Variants in RAB3B observed in about 807,000 individuals in gnomAD.
The protein encoded by RAB3B is ras-related protein Rab-3B.
Under a neutral mutation model 20.5 loss-of-function variants are expected in RAB3B, and 11 were observed. That is an observed-to-expected ratio of 0.54 (90% CI 0.34 to 0.89). RAB3B has a LOEUF of 0.89. RAB3B is among the 40% of genes least tolerant of loss of function. The pLI is 0.02. For missense variants in RAB3B, 225 were observed against 280.9 expected (o/e 0.80, Z 1.42); for synonymous variants, 99 against 106.3 (o/e 0.93, Z 0.42).
chr1:51,929,989 C>T (rs1275753634), intron 4 of RAB3B, among the ~76,000 whole-genome samples: 1 of 152,174 alleles, frequency 6.6e-6, no homozygotes, highest in Non-Finnish European at 1.5e-5. Flanking sequence ...AAATCAGACA[C>T]AATCCATGCA....
chr1:51,965,172 T>C (rs1384984126), intron 2 of RAB3B, among the ~76,000 whole-genome samples: 1 of 149,514 alleles, frequency 6.7e-6, no homozygotes, highest in Non-Finnish European at 1.5e-5. Flanking sequence ...TGAGCCGAGA[T>C]TGCGCCACTG....
intron 1 of RAB3B, among the ~76,000 whole-genome samples, chr1:51,982,161 T>C (rs1332811968): frequency 6.6e-6 from 1 of 152,228 alleles, no homozygotes; most frequent in East Asian, 1.9e-4. Flanking sequence ...TTGATGCTCC[T>C]GGACCCTGTG....
Position 51,912,926 on chromosome 1 carries a change from A to G in RAB3B, c.*7001T>C, listed in dbSNP as rs1557958255. The G allele has an allele frequency of 6.6e-6, 1 of 152,164 alleles. No individual in the cohort carries two copies. 9.4% of individuals were successfully genotyped at this position (152,164 alleles called of 1,614,324 possible). A position where few individuals can be genotyped will look rare whatever the true frequency, so the allele number is the denominator to read the frequency against. On this transcript the variant is annotated 3_prime_UTR_variant, in exon 5 of 5. Coordinates refer to ENST00000371655, the MANE Select transcript of RAB3B (RefSeq NM_002867.4). ...AATTTGGACATGTTAAGTTTGAGACATGAAAATGTCCAGTAGGCACTTAGA... is the reference window on the plus strand; with the variant it reads ...AATTTGGACATGTTAAGTTTGAGACGTGAAAATGTCCAGTAGGCACTTAGA...
At chr1:51,978,986 C>A (rs752675942) in intron 1 of RAB3B, among the ~76,000 whole-genome samples, 1 of 152,202 alleles carries the variant, frequency 6.6e-6, no homozygotes, top group African/African-American at 2.4e-5. Context: ...CTCCTGTGGT[C>A]TCTGTTCTTC....
chr1:51,913,948 A>G lies in RAB3B; in HGVS notation c.*5979T>C, dbSNP rs1267445426. The G allele has an allele frequency of 3.3e-5, 5 of 152,254 alleles. No individual in the cohort carries two copies. Among genetic ancestry groups the G allele is most frequent in the Non-Finnish European group, 7.3e-5 (5 of 68,110 alleles). 9.4% of individuals were successfully genotyped at this position (152,254 alleles called of 1,614,324 possible). A position where few individuals can be genotyped will look rare whatever the true frequency, so the allele number is the denominator to read the frequency against. ...ACAAATCTGGGCAGCCTTCTGGAGG[A>G]TGACACCACAGGGAGAAAGGCCTCA... On this transcript the variant is annotated 3_prime_UTR_variant, in exon 5 of 5. Transcript: ENST00000371655.
At chr1:51,975,512 G>C (rs559102067) in intron 2 of RAB3B, among the ~76,000 whole-genome samples, 1 of 152,184 alleles carries the variant, frequency 6.6e-6, no homozygotes, top group African/African-American at 2.4e-5. Flanking sequence ...TAAGGCTAAG[G>C]CTAACTCATA....
intron 1 of RAB3B, among the ~76,000 whole-genome samples, chr1:51,984,196 G>A (rs1441795385): frequency 4.8e-5 from 7 of 145,540 alleles, no homozygotes; most frequent in African/African-American, 1.0e-4. Flanking sequence ...CCTGGCAGGC[G>A]GAGGTTACAG....
intron 3 of RAB3B, among the ~76,000 whole-genome samples, chr1:51,935,970 G>A (rs1190331096): frequency 6.6e-6 from 1 of 152,296 alleles, no homozygotes; most frequent in South Asian, 2.1e-4. Context: ...GGTCAGAACA[G>A]GGGAGTGCAG....
intron 1 of RAB3B, chr1:51,980,845 G>A: frequency 1.4e-6 from 1 of 706,516 alleles, no homozygotes; most frequent in Non-Finnish European, 2.6e-6. Context: ...AAAGACTGAA[G>A]ATGGACTATT....
intron 2 of RAB3B, among the ~76,000 whole-genome samples, chr1:51,953,886 T>G (rs924762012): frequency 2.0e-5 from 3 of 152,204 alleles, no homozygotes; most frequent in Non-Finnish European, 4.4e-5. Context: ...GCAATTGAAA[T>G]TATGAGATAC....
rs183024484 is a variant in RAB3B at position 51,963,487 on chromosome 1, C to T, written c.228+13403G>A. ...CCTTTATCCTCAGAGCAAAACATGG[C>T]TGGAGAAAAACACACAACCATGCTT... On this transcript the variant is annotated intron_variant, in intron 2 of 4. Coordinates refer to ENST00000371655, the MANE Select transcript of RAB3B (RefSeq NM_002867.4). Among the ~76,000 whole-genome samples the T allele has an allele frequency of 5.3e-5, 8 of 152,292 alleles. No homozygotes were observed. In the East Asian group the frequency reaches 1.3e-3, roughly 26 times the overall value.
chr1:51,953,999 G>C (rs1158636904), intron 2 of RAB3B, among the ~76,000 whole-genome samples: 1 of 151,902 alleles, frequency 6.6e-6, no homozygotes, highest in African/African-American at 2.4e-5. Flanking sequence ...CTGTCTAAAG[G>C]AAATCATCTG....
Position 51,918,150 on chromosome 1 carries a change from C to T in RAB3B, c.*1777G>A, listed in dbSNP as rs1684114635. On this transcript the variant is annotated 3_prime_UTR_variant, in exon 5 of 5. Coordinates refer to ENST00000371655, the MANE Select transcript of RAB3B (RefSeq NM_002867.4). ...TTTCCTCAGGTATTTAATTAAGGGGCTTCCACCAGAAGTGGTTTCCCACAC... is the reference window on the plus strand; with the variant it reads ...TTTCCTCAGGTATTTAATTAAGGGGTTTCCACCAGAAGTGGTTTCCCACAC... 2.0e-5 allele frequency: 3 copies of T among 152,166 alleles called. No homozygotes were observed. Among genetic ancestry groups the T allele is most frequent in the African/African-American group, 7.2e-5 (3 of 41,432 alleles). 9.4% of individuals were successfully genotyped at this position (152,166 alleles called of 1,614,324 possible). A position where few individuals can be genotyped will look rare whatever the true frequency, so the allele number is the denominator to read the frequency against.
intron 4 of RAB3B, among the ~76,000 whole-genome samples, chr1:51,920,553 T>C (rs1249930134): frequency 6.6e-6 from 1 of 152,212 alleles, no homozygotes; most frequent in Non-Finnish European, 1.5e-5. Flanking sequence ...CCTTACAGTT[T>C]CCAAAGCACT....
At position 51,914,390 on chromosome 1, in the gene RAB3B, A is replaced by C. The variant is rs567026364; in HGVS notation, c.*5537T>G. ...AAAGGTGATTCCGGTTTCCCAGTTG[A>C]GTGTTCTCACAGCATCACGTGCCTT... On this transcript the variant is annotated 3_prime_UTR_variant, in exon 5 of 5. Transcript: ENST00000371655. 6.6e-6 allele frequency: 1 copy of C among 152,262 alleles called. No individual in the cohort carries two copies. The highest frequency in any genetic ancestry group is 1.9e-4 in the East Asian group (1 of 5,180). The allele number at this position is 152,262 out of a possible 1,614,324, so 9.4% of individuals were successfully genotyped here. A position where few individuals can be genotyped will look rare whatever the true frequency, so the allele number is the denominator to read the frequency against.
chr1:51,959,731 G>A (rs775920520), intron 2 of RAB3B, among the ~76,000 whole-genome samples: 1 of 152,094 alleles, frequency 6.6e-6, no homozygotes, highest in Non-Finnish European at 1.5e-5. Flanking sequence ...AATAAACTAG[G>A]GATGTTAGCT....
chr1:51,914,044 C>A lies in RAB3B; in HGVS notation c.*5883G>T, dbSNP rs757456344. ...CTATCCTAGACCATCCTGCCTCAGC[C>A]AGAAGAACCACCCAGCCAACCCACA... On this transcript the variant is annotated 3_prime_UTR_variant, in exon 5 of 5. Transcript: ENST00000371655. 2 of 152,340 alleles carry A rather than the reference C, an allele frequency of 1.3e-5. No individual in the cohort carries two copies. Among genetic ancestry groups the A allele is most frequent in the East Asian group, 3.9e-4 (2 of 5,188 alleles). The allele number at this position is 152,340 out of a possible 1,614,324, so 9.4% of individuals were successfully genotyped here. A position where few individuals can be genotyped will look rare whatever the true frequency, so the allele number is the denominator to read the frequency against.
intron 4 of RAB3B, among the ~76,000 whole-genome samples, chr1:51,927,037 G>T (rs910500510): frequency 6.6e-6 from 1 of 152,160 alleles, no homozygotes; most frequent in African/African-American, 2.4e-5. Flanking sequence ...GAGGATTTTC[G>T]TGAAAGCATA....
chr1:51,949,609 C>T (rs1684609313), intron 2 of RAB3B, among the ~76,000 whole-genome samples: 1 of 152,238 alleles, frequency 6.6e-6, no homozygotes, highest in South Asian at 2.1e-4. Context: ...CATGTCACCC[C>T]AAGGGGAAGG....
Sources: gnomAD v4.1 joint callset for allele counts (sites outside exome capture counted in the v4.1 genomes callset) on GRCh38, gnomAD v4.1.1 for gene constraint, MANE v1.5 for transcripts, NCBI Gene and HGNC (gene_info 2026-07-23, HGNC 2026-07-21) for gene names.